RIC8B: variants seen among roughly 807,000 people sequenced by gnomAD.
The protein encoded by RIC8B is RIC8 guanine nucleotide exchange factor B, also known as chaperone Ric-8B.
Under a neutral mutation model 57.5 loss-of-function variants are expected in RIC8B, and 16 were observed. The ratio of observed to expected loss-of-function variants is 0.28; its 90% CI spans 0.19 to 0.42. The LOEUF is 0.42. Ranked by LOEUF, RIC8B falls within the 10% of genes least tolerant of loss-of-function variation. RIC8B has a pLI of 1.00. For missense variants in RIC8B, 481 were observed against 677.0 expected, an observed-to-expected ratio of 0.71 and a Z score of 3.21; for synonymous variants, 216 against 250.8, an observed-to-expected ratio of 0.86 and a Z score of 1.31.
intron 9 of RIC8B, among the ~76,000 whole-genome samples, chr12:106,884,503 A>G (rs1480902534): frequency 6.6e-6 from 1 of 152,150 alleles, no homozygotes; most frequent in African/African-American, 2.4e-5. Flanking sequence ...AGTCTCCTTT[A>G]TTAAAGAAGG....
intron 6 of RIC8B, among the ~76,000 whole-genome samples, chr12:106,844,994 C>G (rs1949121045): frequency 6.6e-6 from 1 of 152,110 alleles, no homozygotes; most frequent in Non-Finnish European, 1.5e-5. Context: ...TTCTTTCTTC[C>G]TCGGAGGATT....
At chr12:106,808,493 A>T (rs1386336902) in intron 2 of RIC8B, among the ~76,000 whole-genome samples, 4 of 152,236 alleles carry the variant, frequency 2.6e-5, no homozygotes, top group Non-Finnish European at 4.4e-5. Flanking sequence ...GAGATGAAGG[A>T]TCAAGGTCTT....
At position 106,803,287 on chromosome 12, in the gene RIC8B, T is replaced by C. The variant is rs532795574; in HGVS notation, c.133-11409T>C. Among the ~76,000 whole-genome samples, 101 of 151,874 alleles carry C rather than the reference T, an allele frequency of 6.7e-4. 1 individual carries two copies. The highest frequency in any genetic ancestry group is 2.6e-3 in the Admixed American group (39 of 15,264). On this transcript the variant is annotated intron_variant, in intron 2 of 9. Transcript: ENST00000392837. ...TGGGAGAATCTTTGGTAGTTTGATA[T>C]GCCTTATAAGTTTCCCAAGCTTATT...
chr12:106,783,987 T>TC lies in RIC8B; in HGVS notation c.85-5dup, dbSNP rs1440093191. 1.2e-6 allele frequency: 2 copies of TC among 1,612,376 alleles called. No homozygotes were observed. The highest frequency in any genetic ancestry group is 1.7e-6 in the Non-Finnish European group (2 of 1,179,020). ...TTAAAATGACATTGTTTCCCTTTTT[T>TC]CCCCCTCAGCATAGGGCTACTTTCA... On this transcript the variant is annotated splice_polypyrimidine_tract_variant and intron_variant, in intron 1 of 9. Transcript: ENST00000392837.
chr12:106,829,514 T>C (rs1301796603), intron 4 of RIC8B, among the ~76,000 whole-genome samples: 1 of 152,248 alleles, frequency 6.6e-6, no homozygotes, highest in East Asian at 1.9e-4. Context: ...TAATTCACTT[T>C]GTCTCACATA....
chr12:106,793,985 A>C (rs2044367899), intron 2 of RIC8B, among the ~76,000 whole-genome samples: 1 of 152,154 alleles, frequency 6.6e-6, no homozygotes, highest in African/African-American at 2.4e-5. Context: ...CAGATGTTGG[A>C]TTTAACAAAG....
At chr12:106,873,797 A>T (rs982590880) in intron 9 of RIC8B, among the ~76,000 whole-genome samples, 15 of 152,184 alleles carry the variant, frequency 9.9e-5, no homozygotes, top group Admixed American at 9.8e-4. Flanking sequence ...TTCTGTCTGG[A>T]TGATTCAGGG....
chr12:106,796,348 G>A (rs1371737090), intron 2 of RIC8B, among the ~76,000 whole-genome samples: 1 of 151,966 alleles, frequency 6.6e-6, no homozygotes, highest in Non-Finnish European at 1.5e-5. Context: ...GACCAGCCTG[G>A]GCAATATAGT....
chr12:106,852,380 A>G (rs577251070), intron 7 of RIC8B, among the ~76,000 whole-genome samples: 18 of 152,200 alleles, frequency 1.2e-4, no homozygotes, highest in Non-Finnish European at 2.6e-4. Flanking sequence ...CCAGTTTTAT[A>G]AGATAGATAA....
rs775674882 is a variant in RIC8B at position 106,792,237 on chromosome 12, T to G, written c.132+8193T>G. On this transcript the variant is annotated intron_variant, in intron 2 of 9. Transcript: ENST00000392837. ...ATAGGGCAGGATGAATGCTTCACGG[T>G]AGGTCAAAAAAACAATTTAAACTTC... Among the ~76,000 whole-genome samples the G allele has an allele frequency of 2.4e-4, 36 of 152,320 alleles. 1 individual carries two copies. The East Asian group carries it at 6.2e-3, about 26-fold the overall frequency.
At chr12:106,877,450 A>G (rs1950719726) in intron 9 of RIC8B, among the ~76,000 whole-genome samples, 1 of 152,294 alleles carries the variant, frequency 6.6e-6, no homozygotes, top group African/African-American at 2.4e-5. Context: ...GAAGAGAACT[A>G]AGATTTAGAG....
At position 106,875,305 on chromosome 12, in the gene RIC8B, C is replaced by T. The variant is rs149105559; in HGVS notation, c.1571+4363C>T. 5.6e-3 allele frequency among the ~76,000 whole-genome samples: 847 copies of T among 152,190 alleles called. 6 individuals carry two copies. Among genetic ancestry groups the T allele is most frequent in the African/African-American group, 0.02 (821 of 41,522 alleles). On this transcript the variant is annotated intron_variant, in intron 9 of 9. Coordinates refer to ENST00000392837, the MANE Select transcript of RIC8B (RefSeq NM_001330145.2). ...TAATGTGAGGGCAGAGATGGAAAAGCGGATGAAATTTGCCTGCCTCTTCAC... is the reference window on the plus strand; with the variant it reads ...TAATGTGAGGGCAGAGATGGAAAAGTGGATGAAATTTGCCTGCCTCTTCAC...
intron 9 of RIC8B, chr12:106,871,579 A>G (rs1950434137): frequency 6.6e-6 from 1 of 151,772 alleles, no homozygotes; most frequent in Non-Finnish European, 1.5e-5. Context: ...TAAATCAAGT[A>G]TATACTAATC....
intron 4 of RIC8B, among the ~76,000 whole-genome samples, chr12:106,830,065 G>GT (rs1158540298): frequency 6.6e-6 from 1 of 152,190 alleles, no homozygotes. Flanking sequence ...GTAACACACT[G>GT]TTTTGGTTAC....
chr12:106,775,356 C>T, intron 1 of RIC8B: 1 of 456,040 alleles, frequency 2.2e-6, no homozygotes, highest in Non-Finnish European at 4.4e-6. Flanking sequence ...TCATCCTCCC[C>T]ATTTTATAGA....
intron 9 of RIC8B, among the ~76,000 whole-genome samples, chr12:106,883,465 C>A (rs1478387883): frequency 1.3e-5 from 2 of 152,162 alleles, no homozygotes; most frequent in African/African-American, 4.8e-5. Flanking sequence ...TCAAGCCCTT[C>A]AAGTCCTAAA....
intron 4 of RIC8B, among the ~76,000 whole-genome samples, chr12:106,827,148 A>C (rs2046141424): frequency 6.6e-6 from 1 of 152,220 alleles, no homozygotes; most frequent in Admixed American, 6.5e-5. Flanking sequence ...GTAAAAATTT[A>C]TTGTACTCTG....
At chr12:106,824,231 ATCT>A (rs1365428162) in intron 3 of RIC8B, among the ~76,000 whole-genome samples, 6 of 152,200 alleles carry the variant, frequency 3.9e-5, no homozygotes, top group Non-Finnish European at 7.3e-5. Flanking sequence ...TATGCATATC[ATCT>A]TCTTTAATCC....
intron 2 of RIC8B, among the ~76,000 whole-genome samples, chr12:106,805,006 T>C (rs1406599100): frequency 6.6e-6 from 1 of 152,192 alleles, no homozygotes; most frequent in East Asian, 1.9e-4. Flanking sequence ...AGAGAGTAGA[T>C]TATTGTGCCT....
Sources: allele counts gnomAD v4.1 joint callset (sites outside exome capture counted in the v4.1 genomes callset), GRCh38; gene constraint gnomAD v4.1.1; transcripts MANE v1.5; gene names NCBI Gene and HGNC (gene_info 2026-07-23, HGNC 2026-07-21).